Variants in SLX4 observed in about 807,000 individuals in gnomAD.
The protein encoded by SLX4 is SLX4 structure-specific endonuclease subunit.
Under a neutral mutation model 146.2 loss-of-function variants are expected in SLX4, and 112 were observed. That is an observed-to-expected ratio of 0.77 (90% CI 0.66 to 0.90). SLX4 has a LOEUF of 0.90. Among genes scored for constraint, SLX4 ranks in the 40% least tolerant of loss-of-function variants. The pLI is 0.00. For missense variants in SLX4, 2,563 were observed against 2,392.7 expected (o/e 1.07, Z -1.49); for synonymous variants, 1,061 against 997.7 (o/e 1.06, Z -1.20).
chr16:3,604,174 G>C (rs1399784184), intron 3 of SLX4, among the ~76,000 whole-genome samples: 2 of 150,218 alleles, frequency 1.3e-5, no homozygotes, highest in African/African-American at 4.9e-5. Flanking sequence ...AGAGGTTGCA[G>C]TGAACCGAGA....
Position 3,597,844 on chromosome 16 carries a change from G to A in SLX4, c.1319C>T (p.Ala440Val), listed in dbSNP as rs761726340. 16 of 1,614,058 alleles carry A rather than the reference G, an allele frequency of 9.9e-6. No homozygotes were observed. The highest frequency in any genetic ancestry group is 8.3e-5 in the Admixed American group (5 of 60,012). Residue 440 changes from alanine to valine, a missense_variant, in exon 6 of 15, where the codon GCG becomes GTG. Transcript: ENST00000294008. The surrounding 1 kb of genome is among the most constrained non-coding windows in gnomAD (Gnocchi z 4.4). Reference sequence around the variant, plus strand: ...AGAAAAGGCACTTTCCAGCCTGAGCGCTGGTACAGCCGCACCCGGCTCCAT... The same window carrying A: ...AGAAAAGGCACTTTCCAGCCTGAGCACTGGTACAGCCGCACCCGGCTCCAT... The part of the protein sequence containing the change: ...SEMEPGAAVP[A>V]LRLESAFSER...
chr16:3,599,875 C>T (rs555065879), intron 5 of SLX4, among the ~76,000 whole-genome samples: 51 of 152,294 alleles, frequency 3.3e-4, no homozygotes, highest in Admixed American at 1.2e-3. Context: ...TGTAAGCTAC[C>T]GTGCCTGGCC....
Position 3,601,181 on chromosome 16 carries a change from C to T in SLX4, c.961G>A (p.Glu321Lys). ...GAAGGTCTTAGTGTCTTTTCAGCTT[C>T]ATCCAAGCACCTGAAGGAAAACAGT... is the stretch of plus-strand genomic sequence containing the variant. ...REQHVNRCLDEAEKTLRPSVP... is the reference protein window; with the variant it reads ...REQHVNRCLDKAEKTLRPSVP... Residue 321 changes from glutamate to lysine, a missense_variant, in exon 5 of 15, where the codon GAA becomes AAA. Coordinates refer to ENST00000294008, the MANE Select transcript of SLX4 (RefSeq NM_032444.4). 6.2e-7 allele frequency: 1 copy of T among 1,614,064 alleles called. No homozygotes were observed. The highest frequency in any genetic ancestry group is 8.5e-7 in the Non-Finnish European group (1 of 1,180,028).
chr16:3,595,609 G>T lies in SLX4; in HGVS notation c.2009C>A (p.Thr670Asn). Reference sequence around the variant, plus strand: ...CGGGCCAGAGCCAGTTCTTACCAAGGTGCGGCCGCCCCTGTCCGGGTGCTT... The same window carrying T: ...CGGGCCAGAGCCAGTTCTTACCAAGTTGCGGCCGCCCCTGTCCGGGTGCTT... ...QDKHPDRGGR[T>N]LLSLGLLVAD... Residue 670 changes from threonine (T) to asparagine (N), a missense_variant, in exon 9 of 15, where the codon ACC becomes AAC. By Grantham distance (65) the Thr-to-Asn change is moderately conservative (BLOSUM62 0). Coordinates refer to ENST00000294008, the MANE Select transcript of SLX4 (RefSeq NM_032444.4). 6.2e-7 allele frequency: 1 copy of T among 1,613,738 alleles called. No homozygotes were observed. The highest frequency in any genetic ancestry group is 8.5e-7 in the Non-Finnish European group (1 of 1,179,998).
chr16:3,605,486 G>A (rs2040772225), intron 3 of SLX4, among the ~76,000 whole-genome samples: 1 of 152,002 alleles, frequency 6.6e-6, no homozygotes, highest in African/African-American at 2.4e-5. Context: ...GCCTCCCAAA[G>A]TTTTGGGATT....
chr16:3,585,325 G>A (rs559798685), intron 12 of SLX4, among the ~76,000 whole-genome samples: 12 of 152,276 alleles, frequency 7.9e-5, no homozygotes, highest in South Asian at 2.1e-4. Flanking sequence ...GGTGGCTCAC[G>A]CCTGTAATCC....
chr16:3,610,122 A>G (rs964252041), intron 1 of SLX4, among the ~76,000 whole-genome samples: 1 of 152,230 alleles, frequency 6.6e-6, no homozygotes, highest in African/African-American at 2.4e-5. Context: ...ACTTTGGCAC[A>G]CAGCTAAGTG....
At chr16:3,605,199 C>T (rs1248372673) in intron 3 of SLX4, among the ~76,000 whole-genome samples, 1 of 152,110 alleles carries the variant, frequency 6.6e-6, no homozygotes, top group Non-Finnish European at 1.5e-5. Flanking sequence ...ACGCCATTCT[C>T]CTGCCTCAGC....
intron 3 of SLX4, among the ~76,000 whole-genome samples, chr16:3,605,714 A>G (rs908791400): frequency 3.4e-5 from 5 of 147,592 alleles, no homozygotes; most frequent in African/African-American, 5.0e-5. Context: ...TTGGGAGGCC[A>G]AGGCGGGTGG....
At chr16:3,608,000 G>T (rs1041644552) in intron 2 of SLX4, among the ~76,000 whole-genome samples, 2 of 152,154 alleles carry the variant, frequency 1.3e-5, no homozygotes, top group African/African-American at 4.8e-5. Flanking sequence ...AATTCACACG[G>T]GTTATGTTTT....
intron 1 of SLX4, among the ~76,000 whole-genome samples, chr16:3,609,849 A>G (rs1233502694): frequency 1.3e-5 from 2 of 152,216 alleles, no homozygotes; most frequent in Non-Finnish European, 2.9e-5. Flanking sequence ...AAACCCCATA[A>G]AAGGCAGTCA....
chr16:3,593,165 G>A (rs1326633949), intron 10 of SLX4, among the ~76,000 whole-genome samples: 4 of 151,892 alleles, frequency 2.6e-5, no homozygotes, highest in East Asian at 1.9e-4. Context: ...CCACCTCCTC[G>A]GTTCCAGCGT....
Position 3,590,830 on chromosome 16 carries a change from T to A in SLX4, c.2808A>T (p.Ser936=). ...CALPPPQGQH[S]GARGAEAPEQ... ...CAGGGGCCTCTGCTCCCCGTGCCCC[T>A]GAGTGCTGGCCCTGGGGTGGCGGGA... The change falls in exon 12 of 15, where the codon TCA becomes TCT. Residue 936 remains serine, a synonymous_variant. Transcript: ENST00000294008. The surrounding 1 kb of genome is among the most constrained non-coding windows in gnomAD (Gnocchi z 4.8). 6.2e-7 allele frequency: 1 copy of A among 1,613,918 alleles called. No homozygotes were observed. Among genetic ancestry groups the A allele is most frequent in the Non-Finnish European group, 8.5e-7 (1 of 1,179,842 alleles).
chr16:3,586,830 AAAG>A (rs2040513796), intron 12 of SLX4, among the ~76,000 whole-genome samples: 2 of 152,086 alleles, frequency 1.3e-5, no homozygotes, highest in African/African-American at 4.8e-5. Context: ...AAAAAAAAAA[AAAG>A]AATAAAAAGG....
chr16:3,598,697 C>A (rs891125690), intron 5 of SLX4, among the ~76,000 whole-genome samples: 1 of 152,206 alleles, frequency 6.6e-6, no homozygotes, highest in Non-Finnish European at 1.5e-5. Flanking sequence ...GCAATGCAGT[C>A]ATGCCTCTGG....
chr16:3,611,173 G>A (rs1470161552), intron 1 of SLX4, among the ~76,000 whole-genome samples: 1 of 152,238 alleles, frequency 6.6e-6, no homozygotes, highest in Non-Finnish European at 1.5e-5. Flanking sequence ...TGAATGGATC[G>A]GTAAGGGGCG....
rs781393524 is a variant in SLX4, at chr16:3,601,028, G to A, written c.1114C>T (p.Arg372Trp). 1.1e-5 allele frequency: 18 copies of A among 1,613,900 alleles called. No individual in the cohort carries two copies. The highest frequency in any genetic ancestry group is 3.3e-5 in the Admixed American group (2 of 60,016). Residue 372 changes from arginine (R) to tryptophan (W), a missense_variant, in exon 5 of 15, where the codon CGG (arginine) becomes TGG (tryptophan). Arg to Trp is a moderately radical substitution (Grantham distance 101). Transcript: ENST00000294008. The stretch of plus-strand genomic sequence containing the variant: ...CCCTCAGGCTGTGCTGTCTGCAGCC[G>A]CACAGCCTGAAGCAGGAGCTGGGGG... The part of the protein sequence containing the change: ...VGPQLLLQAV[R>W]LQTAQPEGSS...
At chr16:3,585,846 G>T (rs1481808175) in intron 12 of SLX4, among the ~76,000 whole-genome samples, 1 of 151,558 alleles carries the variant, frequency 6.6e-6, no homozygotes, top group Non-Finnish European at 1.5e-5. Flanking sequence ...AGGGTGTGGT[G>T]GCCCAAGTCA....
rs773691133 is a variant in SLX4, at chr16:3,591,205, C to G, written c.2433G>C (p.Arg811Ser). ...EEKEAENCES[R>S]AENFQELLRS... ...TCAAGAGTTCCTGGAAATTCTCGGC[C>G]CTGCTTTCGCAATTCTCTGCTTCCT... The change falls in exon 12 of 15, where the codon AGG (arginine) becomes AGC (serine). Residue 811 changes from arginine (R) to serine (S), a missense_variant. Transcript: ENST00000294008. The G allele has an allele frequency of 6.2e-7, 1 of 1,614,100 alleles. No homozygotes were observed. The highest frequency in any genetic ancestry group is 1.7e-5 in the Admixed American group (1 of 60,030).
Sources: gnomAD v4.1 joint callset for allele counts (sites outside exome capture counted in the v4.1 genomes callset) on GRCh38, gnomAD v4.1.1 for gene constraint, Gnocchi (gnomAD v3.1) non-coding constraint, MANE v1.5 for transcripts, NCBI Gene and HGNC (gene_info 2026-07-23, HGNC 2026-07-21) for gene names.